PDE4D: variants seen among roughly 807,000 people sequenced by gnomAD.
PDE4D encodes 3',5'-cyclic-AMP phosphodiesterase 4D.
A neutral mutation model predicts 87.4 loss-of-function variants in PDE4D; 24 were observed. That is an observed-to-expected ratio of 0.27 (90% confidence interval 0.20 to 0.39). The LOEUF (loss-of-function observed/expected upper bound fraction) is 0.39. Among genes scored for constraint, PDE4D ranks in the 10% least tolerant of loss-of-function variants. PDE4D has a pLI of 1.00. For synonymous variants in PDE4D, 384 were observed against 383.2 expected (o/e 1.00, Z -0.02); for missense variants, 714 against 1,041.0 (o/e 0.69, Z 4.32).
chr5:59,584,485 A>G (rs371779161), intron 1 of PDE4D, among the ~76,000 whole-genome samples: 2 of 152,216 alleles, frequency 1.3e-5, no homozygotes, highest in African/African-American at 4.8e-5. Context: ...CCAGGCACAA[A>G]AGAAAACCAA....
chr5:59,869,451 A>C (rs1450459461), intron 1 of PDE4D, among the ~76,000 whole-genome samples: 1 of 152,204 alleles, frequency 6.6e-6, no homozygotes, highest in African/African-American at 2.4e-5. Flanking sequence ...CGAATGATAC[A>C]AGATGTGCTG....
chr5:59,508,968 G>A (rs559314046), intron 1 of PDE4D, among the ~76,000 whole-genome samples: 20 of 152,030 alleles, frequency 1.3e-4, no homozygotes, highest in Non-Finnish European at 2.1e-4. Flanking sequence ...AGTCTTACTA[G>A]GGTTGGGATA....
At chr5:59,246,027 T>C (rs1758778592) in intron 1 of PDE4D, among the ~76,000 whole-genome samples, 1 of 149,692 alleles carries the variant, frequency 6.7e-6, no homozygotes, top group African/African-American at 2.4e-5. Context: ...TAAATGTATA[T>C]ATTATATATA....
chr5:60,089,870 G>A (rs1292883316), intron 2 of PDE4D, among the ~76,000 whole-genome samples: 1 of 146,892 alleles, frequency 6.8e-6, no homozygotes, highest in Non-Finnish European at 1.5e-5. Flanking sequence ...AAAAAAAAAA[G>A]CAACAGACAA....
intron 1 of PDE4D, among the ~76,000 whole-genome samples, chr5:60,327,468 T>C (rs1756905892): frequency 6.6e-6 from 1 of 152,186 alleles, no homozygotes; most frequent in Non-Finnish European, 1.5e-5. Context: ...ACTGCCCTTT[T>C]TGCATCTGCT....
chr5:59,320,785 C>T (rs545132393), intron 1 of PDE4D, among the ~76,000 whole-genome samples: 1 of 152,144 alleles, frequency 6.6e-6, no homozygotes, highest in Admixed American at 6.6e-5. Flanking sequence ...ATCTCCCTCT[C>T]TCACCTCCTT....
intron 1 of PDE4D, among the ~76,000 whole-genome samples, chr5:59,811,011 C>T (rs1157299646): frequency 6.6e-6 from 1 of 152,122 alleles, no homozygotes; most frequent in Non-Finnish European, 1.5e-5. Context: ...TAGGAAGAAT[C>T]TGGACAAAGG....
At chr5:59,188,510 A>G (rs7721436) in intron 3 of PDE4D, among the ~76,000 whole-genome samples, 141,609 of 152,242 alleles carry the variant, frequency 0.93, 66,367 homozygotes, top group African/African-American at 0.95. Flanking sequence ...GCAGGAAAAT[A>G]CGGTTATCAT....
intron 3 of PDE4D, among the ~76,000 whole-genome samples, chr5:59,964,094 C>T (rs553376264): frequency 1.3e-5 from 2 of 152,214 alleles, no homozygotes; most frequent in African/African-American, 4.8e-5. Flanking sequence ...ATAAAATGCA[C>T]TTGGTTCCAT....
At chr5:60,020,123 C>G (rs879634136) in intron 2 of PDE4D, among the ~76,000 whole-genome samples, 4 of 151,962 alleles carry the variant, frequency 2.6e-5, no homozygotes, top group Non-Finnish European at 4.4e-5. Flanking sequence ...TGAGGAGAGA[C>G]AGAGAGATAA....
At chr5:59,488,023 A>G (rs1454716387) in intron 1 of PDE4D, among the ~76,000 whole-genome samples, 1 of 151,874 alleles carries the variant, frequency 6.6e-6, no homozygotes, top group East Asian at 1.9e-4. Flanking sequence ...CCACACTCAC[A>G]CCCCACACTG....
chr5:60,228,701 G>C (rs1256266040), intron 1 of PDE4D, among the ~76,000 whole-genome samples: 2 of 151,740 alleles, frequency 1.3e-5, no homozygotes, highest in Non-Finnish European at 2.9e-5. Context: ...TGCTGTGTAA[G>C]AAGCTAAACT....
intron 1 of PDE4D, among the ~76,000 whole-genome samples, chr5:60,311,232 G>T (rs1253959885): frequency 1.3e-5 from 2 of 152,136 alleles, no homozygotes; most frequent in African/African-American, 4.8e-5. Flanking sequence ...ATGTTGGTCA[G>T]TCTGGTCTCG....
At chr5:59,808,731 T>C (rs1423152974) in intron 1 of PDE4D, among the ~76,000 whole-genome samples, 1 of 152,192 alleles carries the variant, frequency 6.6e-6, no homozygotes, top group African/African-American at 2.4e-5. Context: ...TTTTACAGCA[T>C]TAAACAAAGA....
rs115819309 is a variant in PDE4D, at chr5:60,322,283, A to G, written c.-89-136596T>C. ...GGTTGAAGCTGGAGGCCATTATGCT[A>G]AGTGAACAAATGTAGGAACAGAAAA... is the stretch of plus-strand genomic sequence containing the variant. On this transcript the variant is annotated intron_variant, in intron 1 of 16. Transcript: ENST00000502484. 2.9e-3 allele frequency among the ~76,000 whole-genome samples: 434 copies of G among 151,974 alleles called. 2 individuals carry two copies. Among genetic ancestry groups the G allele is most frequent in the African/African-American group, 0.01 (416 of 41,500 alleles).
chr5:60,266,951 T>A (rs965800442), intron 1 of PDE4D, among the ~76,000 whole-genome samples: 2 of 152,200 alleles, frequency 1.3e-5, no homozygotes, highest in Non-Finnish European at 2.9e-5. Context: ...ACGTGTATTA[T>A]CCCAAACCCA....
At chr5:59,854,380 A>C (rs1745111794) in intron 1 of PDE4D, among the ~76,000 whole-genome samples, 1 of 152,032 alleles carries the variant, frequency 6.6e-6, no homozygotes, top group Admixed American at 6.6e-5. Flanking sequence ...TGTTAAATTT[A>C]TCAACTCTTT....
chr5:59,607,108 C>T (rs1401624218), intron 1 of PDE4D, among the ~76,000 whole-genome samples: 3 of 151,778 alleles, frequency 2.0e-5, no homozygotes, highest in East Asian at 1.9e-4. Flanking sequence ...TCAACAGATA[C>T]GCGTAGAATT....
chr5:59,563,610 T>C (rs1820416244), intron 1 of PDE4D, among the ~76,000 whole-genome samples: 1 of 152,222 alleles, frequency 6.6e-6, no homozygotes, highest in African/African-American at 2.4e-5. Flanking sequence ...GAGGTAAGTA[T>C]TCATATTTGC....
Sources: gnomAD v4.1 joint callset for allele counts (sites outside exome capture counted in the v4.1 genomes callset) on GRCh38, gnomAD v4.1.1 for gene constraint, MANE v1.5 for transcripts, NCBI Gene and HGNC (gene_info 2026-07-23, HGNC 2026-07-21) for gene names.